The following OR10J1 variants were observed in gnomAD, a reference collection of about 807,000 sequenced individuals.
OR10J1 encodes olfactory receptor 10J1.
For missense variants in OR10J1, 474 were observed against 376.6 expected (o/e 1.26, Z -2.14); for synonymous variants, 202 against 143.8 (o/e 1.40, Z -2.89).
upstream of OR10J1, among the ~76,000 whole-genome samples, chr1:159,434,855 C>G (rs568014007): frequency 3.3e-5 from 5 of 152,270 alleles, no homozygotes; most frequent in East Asian, 7.7e-4. Flanking sequence ...ACATTGCTCC[C>G]TGGGTCACTC....
the OR10J1 span, among the ~76,000 whole-genome samples, chr1:159,431,137 G>A: frequency 6.6e-6 from 1 of 152,128 alleles, no homozygotes; most frequent in Non-Finnish European, 1.5e-5. Flanking sequence ...CATAATATTT[G>A]GGGATATTGG....
upstream of OR10J1, chr1:159,437,731 T>C (rs547904564): frequency 1.3e-5 from 2 of 152,324 alleles, no homozygotes; most frequent in Non-Finnish European, 2.9e-5. Flanking sequence ...TCAGAATGTC[T>C]TCAGGGAGTG....
chr1:159,430,671 G>GCGCC, the OR10J1 span, among the ~76,000 whole-genome samples: 4 of 149,796 alleles, frequency 2.7e-5, 1 homozygote, highest in South Asian at 2.1e-4. Flanking sequence ...GTGTGTGTGC[G>GCGCC]CGCGCGCACA....
At position 159,440,231 on chromosome 1, in the gene OR10J1, G is replaced by A. The variant is rs1200392193; in HGVS notation, c.440G>A (p.Gly147Glu). 2 of 1,613,982 alleles carry A rather than the reference G, an allele frequency of 1.2e-6. No individual in the cohort carries two copies. The highest frequency in any genetic ancestry group is 1.3e-5 in the African/African-American group (1 of 74,904). Reference protein sequence around the residue: ...NKRLRIQLVLGACSIGLIVAI... With the variant: ...NKRLRIQLVLEACSIGLIVAI... The stretch of plus-strand genomic sequence containing the variant: ...AGGCTGCGTATCCAACTTGTCCTGG[G>A]GGCCTGCAGCATTGGGCTGATTGTA... The change falls in exon 1 of 1, where the codon GGG becomes GAG. Residue 147 changes from glycine to glutamate, a missense_variant. Transcript: ENST00000423932.
chr1:159,402,677 T>C, the OR10J1 span, among the ~76,000 whole-genome samples: 2 of 151,840 alleles, frequency 1.3e-5, no homozygotes, highest in Non-Finnish European at 2.9e-5. Context: ...TTAAACTATT[T>C]ATAGTACCCA....
chr1:159,439,853 A>C lies in OR10J1; in HGVS notation c.62A>C (p.His21Pro), dbSNP rs748635416. 21 of 1,614,066 alleles carry C rather than the reference A, an allele frequency of 1.3e-5. No individual in the cohort carries two copies. Among genetic ancestry groups the C allele is most frequent in the Non-Finnish European group, 1.7e-5 (20 of 1,180,028 alleles). ...GTTTTCCAAGGTTTCTCTAGCTTCC[A>C]TGAGCAGCAGATCACCCTTTTTGGC... Reference protein sequence around the residue: ...DFVFQGFSSFHEQQITLFGVF... With the variant: ...DFVFQGFSSFPEQQITLFGVF... Residue 21 changes from histidine (H) to proline (P), a missense_variant, in exon 1 of 1, where the codon CAT becomes CCT. Coordinates refer to ENST00000423932, the MANE Select transcript of OR10J1 (RefSeq NM_012351.3).
chr1:159,398,028 G>A, the OR10J1 span, among the ~76,000 whole-genome samples: 9 of 152,330 alleles, frequency 5.9e-5, no homozygotes, highest in African/African-American at 2.2e-4. Flanking sequence ...TACACCCCCA[G>A]CTGTAGGTGG....
chr1:159,425,653 A>G, the OR10J1 span, among the ~76,000 whole-genome samples: 1 of 152,068 alleles, frequency 6.6e-6, no homozygotes, highest in Non-Finnish European at 1.5e-5. Flanking sequence ...TCAGTTGTGA[A>G]AAATATGTTC....
upstream of OR10J1, chr1:159,439,639 A>G (rs1655844452): frequency 6.9e-6 from 6 of 872,726 alleles, no homozygotes; most frequent in Admixed American, 5.0e-5. Context: ...AGATAAGTAA[A>G]CCCAGGGATT....
the OR10J1 span, among the ~76,000 whole-genome samples, chr1:159,413,636 C>A: frequency 0.11 from 16,140 of 142,702 alleles, 1,118 homozygotes; most frequent in East Asian, 0.24. Flanking sequence ...CGGAATTGAA[C>A]AATGAGAACA....
the OR10J1 span, chr1:159,432,363 C>G: frequency 2.5e-6 from 1 of 402,112 alleles, no homozygotes; most frequent in Non-Finnish European, 4.4e-6. Context: ...CCGCCTTAAC[C>G]ATCAACTTCA....
chr1:159,413,246 G>A, the OR10J1 span, among the ~76,000 whole-genome samples: 1 of 152,166 alleles, frequency 6.6e-6, no homozygotes, highest in African/African-American at 2.4e-5. Flanking sequence ...TGGTGGGACT[G>A]TAAACTAGTT....
chr1:159,433,377 A>G (rs1200850491), upstream of OR10J1, among the ~76,000 whole-genome samples: 2 of 152,236 alleles, frequency 1.3e-5, no homozygotes, highest in Non-Finnish European at 2.9e-5. Flanking sequence ...CAAATAAGAT[A>G]AAGCATATCC....
the OR10J1 span, chr1:159,405,461 T>C: frequency 3.9e-3 from 701 of 177,966 alleles, 4 homozygotes; most frequent in African/African-American, 0.016. Flanking sequence ...TTCCTCTTCA[T>C]GGCTCTGCAC....
the OR10J1 span, among the ~76,000 whole-genome samples, chr1:159,407,124 TATG>T: frequency 6.6e-6 from 1 of 152,192 alleles, no homozygotes; most frequent in African/African-American, 2.4e-5. Context: ...AGTCAAAAGT[TATG>T]AGCATCTTCA....
At chr1:159,434,891 A>T (rs191629794), upstream of OR10J1, among the ~76,000 whole-genome samples, 1 of 152,108 alleles carries the variant, frequency 6.6e-6, no homozygotes, top group Non-Finnish European at 1.5e-5. Context: ...GTCACTCTTG[A>T]TATGGACACA....
the OR10J1 span, among the ~76,000 whole-genome samples, chr1:159,426,854 T>C: frequency 6.6e-6 from 1 of 151,960 alleles, no homozygotes; most frequent in African/African-American, 2.4e-5. Flanking sequence ...ATCATAGATA[T>C]TTAATAAACA....
At chr1:159,436,987 T>TAGCACA (rs568780078), upstream of OR10J1, among the ~76,000 whole-genome samples, 44 of 152,290 alleles carry the variant, frequency 2.9e-4, 1 homozygote, top group South Asian at 7.9e-3. Flanking sequence ...TTCCAGCAAC[T>TAGCACA]AGCACAGGGC....
rs952346218 is a variant in OR10J1 at position 159,440,456 on chromosome 1, C to G, written c.665C>G (p.Ser222Cys). The change falls in exon 1 of 1, where the codon TCT becomes TGT. Residue 222 changes from serine to cysteine, a missense_variant. Transcript: ENST00000423932. ...LVFISYVLII[S>C]TILKIASVEG... ...TTCATTTCTTATGTTCTCATTATCT[C>G]TACAATCCTCAAGATTGCTTCAGTT... is the stretch of plus-strand genomic sequence containing the variant. The G allele has an allele frequency of 3.5e-5, 57 of 1,614,136 alleles. No homozygotes were observed. Among genetic ancestry groups the G allele is most frequent in the Non-Finnish European group, 4.8e-5 (57 of 1,180,010 alleles).
Sources: allele counts gnomAD v4.1 joint callset (sites outside exome capture counted in the v4.1 genomes callset), GRCh38; gene constraint gnomAD v4.1.1; transcripts MANE v1.5; gene names NCBI Gene and HGNC (gene_info 2026-07-23, HGNC 2026-07-21).